KLRB1: variants seen among roughly 807,000 people sequenced by gnomAD.
KLRB1 encodes killer cell lectin-like receptor subfamily B member 1.
A neutral mutation model predicts 33.5 loss-of-function variants in KLRB1; 27 were observed. The observed-to-expected ratio is 0.81, with a 90% CI of 0.59 to 1.11. The LOEUF is 1.11. Among genes scored for constraint, KLRB1 ranks in the 50% most tolerant of loss-of-function variants. The pLI is 0.00. For missense variants in KLRB1, 241 were observed against 254.1 expected, an observed-to-expected ratio of 0.95 and a Z score of 0.35; for synonymous variants, 64 against 88.9, an observed-to-expected ratio of 0.72 and a Z score of 1.58.
At chr12:9,603,702 C>G (rs1477784002) in intron 1 of KLRB1, among the ~76,000 whole-genome samples, 1 of 151,554 alleles carries the variant, frequency 6.6e-6, no homozygotes, top group African/African-American at 2.4e-5. Context: ...TCCCAAAGTG[C>G]TGGGATTACA....
intron 1 of KLRB1, among the ~76,000 whole-genome samples, chr12:9,607,028 C>T (rs1007328301): frequency 6.6e-6 from 1 of 151,794 alleles, no homozygotes; most frequent in Non-Finnish European, 1.5e-5. Flanking sequence ...GTTGGGATTA[C>T]AGGCATGAGC....
chr12:9,598,433 C>A, intron 4 of KLRB1, 66 bp downstream of exon 4: 1 of 1,309,038 alleles, frequency 7.6e-7, no homozygotes. Flanking sequence ...TGGGCTAATG[C>A]ACAGACATTA....
At chr12:9,607,405 T>TTTCTTTCTTTCTTTCTTTCTTTCTTTC (rs1565444748) in intron 1 of KLRB1, among the ~76,000 whole-genome samples, 3 of 47,986 alleles carry the variant, frequency 6.3e-5, no homozygotes, top group Non-Finnish European at 1.5e-4. Flanking sequence ...TCTTTCTTTC[T>TTTCTTTCTTTCTTTCTTTCTTTCTTTC]TTTCTTTCTT....
At chr12:9,606,915 T>G (rs1479403321) in intron 1 of KLRB1, among the ~76,000 whole-genome samples, 1 of 151,124 alleles carries the variant, frequency 6.6e-6, no homozygotes, top group Non-Finnish European at 1.5e-5. Context: ...TGCCCCACAC[T>G]TGGCTATTTT....
At chr12:9,601,682 C>T (rs1864544976) in intron 1 of KLRB1, 83 bp from the exon 2 acceptor site, 1 of 855,072 alleles carries the variant, frequency 1.2e-6, no homozygotes, top group African/African-American at 1.6e-5. Flanking sequence ...GTACATCTGG[C>T]ACAAAAATGT....
chr12:9,596,951 G>A (rs1205702224), intron 5 of KLRB1, among the ~76,000 whole-genome samples: 1 of 152,094 alleles, frequency 6.6e-6, no homozygotes, highest in Non-Finnish European at 1.5e-5. Context: ...TAATGTGTAT[G>A]TTTGGCTTTT....
intron 1 of KLRB1, chr12:9,606,372 G>C (rs1864598032): frequency 6.6e-6 from 1 of 152,024 alleles, no homozygotes. Context: ...TCCATCATGT[G>C]TTACCTCACA....
chr12:9,607,415 T>TTCTTTTCTTTCTG (rs1591659491), intron 1 of KLRB1, among the ~76,000 whole-genome samples: 2 of 103,276 alleles, frequency 1.9e-5, no homozygotes, highest in African/African-American at 6.4e-5. Context: ...TTTTCTTTCT[T>TTCTTTTCTTTCTG]TCTTTCTTTC....
chr12:9,605,480 T>G (rs1864589296), intron 1 of KLRB1, among the ~76,000 whole-genome samples: 1 of 152,250 alleles, frequency 6.6e-6, no homozygotes, highest in African/African-American at 2.4e-5. Context: ...TTCTCTATTT[T>G]GTTCACTGCT....
intron 4 of KLRB1, 36 bp from the exon 5 acceptor site, chr12:9,598,197 T>A: frequency 7.4e-7 from 1 of 1,351,220 alleles, no homozygotes; most frequent in Non-Finnish European, 1.1e-6. Context: ...AATCTGCTTA[T>A]CTATTCCTGG....
At chr12:9,602,798 A>G (rs754394187) in intron 1 of KLRB1, among the ~76,000 whole-genome samples, 75 of 152,270 alleles carry the variant, frequency 4.9e-4, no homozygotes, top group African/African-American at 1.8e-3. Flanking sequence ...AAAATTTAGC[A>G]TCAGATATAC....
At chr12:9,596,061 G>A (rs1363044302) in intron 5 of KLRB1, among the ~76,000 whole-genome samples, 1 of 152,164 alleles carries the variant, frequency 6.6e-6, no homozygotes, top group African/African-American at 2.4e-5. Context: ...CAGGTAGGAG[G>A]TGATGATATA....
At chr12:9,598,275 A>G (rs1430126972) in intron 4 of KLRB1, 114 bp from the exon 5 acceptor site, 4 of 772,656 alleles carry the variant, frequency 5.2e-6, no homozygotes, top group Non-Finnish European at 8.7e-6. Context: ...CGTCGTCAGC[A>G]TTAATTATTC....
In KLRB1 at chr12:9,600,485, A is replaced by G. The variant is rs1388363526; in HGVS notation, c.185-644T>C. On this transcript the variant is annotated intron_variant, in intron 2 of 5. Coordinates refer to ENST00000229402, the MANE Select transcript of KLRB1 (RefSeq NM_002258.3). ...GAGATTGTGGGGAAAAGCAAGAGAG[A>G]TCAGATTGTTACTGTGTCTGTGTAG... 2.0e-5 allele frequency among the ~76,000 whole-genome samples: 3 copies of G among 152,182 alleles called. No individual in the cohort carries two copies. The East Asian group carries it at 5.8e-4, about 29-fold the overall frequency.
intron 1 of KLRB1, among the ~76,000 whole-genome samples, chr12:9,603,845 A>G (rs1015136096): frequency 6.6e-5 from 10 of 152,260 alleles, no homozygotes; most frequent in Admixed American, 6.5e-4. Context: ...TTATTTTGGA[A>G]AATACGTTCA....
intron 1 of KLRB1, among the ~76,000 whole-genome samples, chr12:9,605,023 G>A (rs111533435): frequency 0.016 from 2,439 of 152,158 alleles, 71 homozygotes; most frequent in African/African-American, 0.056. Flanking sequence ...GGTGTGTGAT[G>A]TTCCCTGCCC....
chr12:9,606,753 TATATA>T (rs1338361181), intron 1 of KLRB1, among the ~76,000 whole-genome samples: 2 of 27,908 alleles, frequency 7.2e-5, no homozygotes, highest in African/African-American at 1.3e-4. Flanking sequence ...TATATATATA[TATATA>T]TATTTTTTTT....
At chr12:9,606,715 TAAA>T (rs1864606071) in intron 1 of KLRB1, among the ~76,000 whole-genome samples, 6 of 51,634 alleles carry the variant, frequency 1.2e-4, no homozygotes, top group African/African-American at 1.6e-4. Context: ...ATAAAATATA[TAAA>T]ATATATGTAT....
rs34919993 is a variant in KLRB1, at chr12:9,598,531, T to C, written c.382A>G (p.Ser128Gly). ...TCCTTATCTCGAATAAGCAGCAGGC[T>C]GGATTCTTTGGTGGAACAATCAGCT... ...SLADCSTKES[S>G]LLLIRDKDEL... The change falls in exon 4 of 6, where the codon AGC (serine) becomes GGC (glycine). Residue 128 changes from serine (S) to glycine (G), a missense_variant. Physicochemically the swap from Ser to Gly is moderately conservative, Grantham distance 56 (BLOSUM62 0). Coordinates refer to ENST00000229402, the MANE Select transcript of KLRB1 (RefSeq NM_002258.3). 3,162 of 1,612,674 alleles carry C rather than the reference T, an allele frequency of 2.0e-3. 34 individuals carry two copies. In the African/African-American group the frequency reaches 0.027, roughly 14 times the overall value.
Sources: gnomAD v4.1 joint callset for allele counts (sites outside exome capture counted in the v4.1 genomes callset) on GRCh38, gnomAD v4.1.1 for gene constraint, MANE v1.5 for transcripts, NCBI Gene and HGNC (gene_info 2026-07-23, HGNC 2026-07-21) for gene names.